RAB38: variants seen among roughly 807,000 people sequenced by gnomAD.
The protein encoded by RAB38 is RAB38, member RAS oncogene family.
A neutral mutation model predicts 18.4 loss-of-function variants in RAB38; 15 were observed. That is an observed-to-expected ratio of 0.82 (90% CI 0.55 to 1.26). The LOEUF is 1.26. RAB38 is among the 50% of genes most tolerant of loss of function. The pLI is 0.00. For missense variants in RAB38, 294 were observed against 267.4 expected, an observed-to-expected ratio of 1.10 and a Z score of -0.69; for synonymous variants, 101 against 104.4, an observed-to-expected ratio of 0.97 and a Z score of 0.20.
chr11:87,977,458 T>C, the RAB38 span, among the ~76,000 whole-genome samples: 2 of 44,872 alleles, frequency 4.5e-5, no homozygotes, highest in Non-Finnish European at 7.9e-5. Flanking sequence ...TATTACATAA[T>C]ATAATTATAT....
At chr11:88,130,088 A>C (rs1029785639) in intron 2 of RAB38, among the ~76,000 whole-genome samples, 5 of 152,212 alleles carry the variant, frequency 3.3e-5, no homozygotes, top group Admixed American at 1.3e-4. Context: ...AATGAATGGA[A>C]AACTGTGTAA....
chr11:87,950,029 T>C, the RAB38 span, among the ~76,000 whole-genome samples: 6 of 152,136 alleles, frequency 3.9e-5, no homozygotes, highest in East Asian at 1.9e-4. Flanking sequence ...GAGTCTAAGT[T>C]TCTTTGTAGG....
the RAB38 span, among the ~76,000 whole-genome samples, chr11:87,853,891 A>G: frequency 6.6e-6 from 1 of 152,184 alleles, no homozygotes; most frequent in African/African-American, 2.4e-5. Context: ...TGGAGGGGCT[A>G]AAGGAAGATT....
At chr11:88,092,371 A>AGG in the RAB38 span, among the ~76,000 whole-genome samples, 1 of 8,660 alleles carries the variant, frequency 1.2e-4, no homozygotes, top group African/African-American at 4.6e-4. Context: ...AGAGAGAGAG[A>AGG]GAGAGAGAGA....
At chr11:88,008,384 A>C in the RAB38 span, among the ~76,000 whole-genome samples, 1 of 152,154 alleles carries the variant, frequency 6.6e-6, no homozygotes, top group South Asian at 2.1e-4. Context: ...TGAAAAACAA[A>C]AGTTACCAGA....
chr11:87,875,124 CAAT>C, the RAB38 span, among the ~76,000 whole-genome samples: 1 of 151,216 alleles, frequency 6.6e-6, no homozygotes, highest in Admixed American at 6.6e-5. Context: ...TGACTCTAGT[CAAT>C]AATAATGTAT....
At chr11:87,846,528 C>T in the RAB38 span, among the ~76,000 whole-genome samples, 2 of 151,816 alleles carry the variant, frequency 1.3e-5, no homozygotes, top group Non-Finnish European at 1.5e-5. Context: ...AGAAATAATT[C>T]ATTAGGAAAA....
chr11:88,085,317 T>C, the RAB38 span, among the ~76,000 whole-genome samples: 5 of 151,824 alleles, frequency 3.3e-5, no homozygotes, highest in Non-Finnish European at 5.9e-5. Context: ...TTCATAGAAG[T>C]AGGTTTCCCA....
intron 1 of RAB38, among the ~76,000 whole-genome samples, chr11:88,169,636 A>G (rs1244073903): frequency 6.6e-6 from 1 of 152,208 alleles, no homozygotes; most frequent in African/African-American, 2.4e-5. Flanking sequence ...AGATGATGAA[A>G]TTCTGTCTCA....
the RAB38 span, among the ~76,000 whole-genome samples, chr11:87,955,842 T>A: frequency 6.6e-6 from 1 of 150,444 alleles, no homozygotes; most frequent in South Asian, 2.1e-4. Flanking sequence ...TAGTGAGTGA[T>A]AAAATCAATA....
At chr11:87,948,620 T>C in the RAB38 span, among the ~76,000 whole-genome samples, 1 of 152,064 alleles carries the variant, frequency 6.6e-6, no homozygotes, top group African/African-American at 2.4e-5. Context: ...TCTTGAATTT[T>C]GTGAAAGGAC....
chr11:88,096,904 C>T, the RAB38 span, among the ~76,000 whole-genome samples: 5 of 151,258 alleles, frequency 3.3e-5, no homozygotes, highest in Admixed American at 1.3e-4. Context: ...ATGGAAGGGG[C>T]GAGGGGGGAC....
chr11:88,033,169 C>G, the RAB38 span, among the ~76,000 whole-genome samples: 5 of 151,544 alleles, frequency 3.3e-5, no homozygotes, highest in Non-Finnish European at 7.4e-5. Flanking sequence ...TAGGTGGGAA[C>G]TGAACAATGA....
the RAB38 span, among the ~76,000 whole-genome samples, chr11:88,066,925 C>T: frequency 6.6e-6 from 1 of 152,216 alleles, no homozygotes; most frequent in South Asian, 2.1e-4. Context: ...CCTCTTCCAG[C>T]TAATCCCTGT....
At chr11:87,829,777 T>C in the RAB38 span, among the ~76,000 whole-genome samples, 3 of 152,196 alleles carry the variant, frequency 2.0e-5, no homozygotes. Context: ...GAGGTAACTC[T>C]CAGCAGTGTG....
At chr11:88,045,312 G>C in the RAB38 span, among the ~76,000 whole-genome samples, 2 of 152,206 alleles carry the variant, frequency 1.3e-5, no homozygotes, top group East Asian at 3.9e-4. Context: ...TTAGGGTAGA[G>C]GCAGCCAAGT....
the RAB38 span, among the ~76,000 whole-genome samples, chr11:88,010,370 A>T: frequency 4.6e-5 from 7 of 152,236 alleles, no homozygotes; most frequent in Non-Finnish European, 8.8e-5. Context: ...TCAAGAGGAA[A>T]GAGAAGTTCA....
the RAB38 span, among the ~76,000 whole-genome samples, chr11:88,027,909 T>C: frequency 6.6e-6 from 1 of 152,164 alleles, no homozygotes; most frequent in South Asian, 2.1e-4. Context: ...GATCTGAGAA[T>C]GGGCAGACTG....
downstream of RAB38, among the ~76,000 whole-genome samples, chr11:88,112,019 A>G (rs999822800): frequency 6.6e-6 from 1 of 152,238 alleles, no homozygotes; most frequent in Non-Finnish European, 1.5e-5. Context: ...CCAATAGCAT[A>G]TTAGAATCAA....
Sources: gnomAD v4.1 joint callset for allele counts (sites outside exome capture counted in the v4.1 genomes callset) on GRCh38, gnomAD v4.1.1 for gene constraint, MANE v1.5 for transcripts, NCBI Gene and HGNC (gene_info 2026-07-23, HGNC 2026-07-21) for gene names.